CPED1: variants seen among roughly 807,000 people sequenced by gnomAD.
The protein encoded by CPED1 is cadherin like and PC-esterase domain containing 1, also known as cadherin-like and PC-esterase domain-containing protein 1.
CPED1 carries 114 observed loss-of-function variants against 128.2 expected under a neutral mutation model. The ratio of observed to expected loss-of-function variants is 0.89; its 90% CI spans 0.76 to 1.04. The LOEUF is 1.04. Among genes scored for constraint, CPED1 ranks in the 50% least tolerant of loss-of-function variants. The probability of loss-of-function intolerance (pLI) is 0.00; values close to 1 mark genes in which losing one functional copy is unlikely to be tolerated. For missense variants in CPED1, 1,211 were observed against 1,207.1 expected (o/e 1.00, Z -0.05); for synonymous variants, 462 against 426.7 (o/e 1.08, Z -1.02).
At chr7:121,158,425 T>C (rs963123178) in intron 16 of CPED1, among the ~76,000 whole-genome samples, 1 of 152,158 alleles carries the variant, frequency 6.6e-6, no homozygotes, top group African/African-American at 2.4e-5. Context: ...GATGAACAGC[T>C]TCTCACCCCC....
At chr7:121,061,519 G>C (rs1467408724) in intron 4 of CPED1, among the ~76,000 whole-genome samples, 2 of 152,196 alleles carry the variant, frequency 1.3e-5, no homozygotes, top group Non-Finnish European at 2.9e-5. Flanking sequence ...ACTCTGGTGG[G>C]GGATGTTAAT....
chr7:121,283,443 C>T (rs1792500274), intron 22 of CPED1, among the ~76,000 whole-genome samples: 1 of 152,198 alleles, frequency 6.6e-6, no homozygotes, highest in Non-Finnish European at 1.5e-5. Context: ...ACAAAATATA[C>T]TTGCCAGTTT....
At chr7:121,094,903 C>A (rs1794663638) in intron 5 of CPED1, among the ~76,000 whole-genome samples, 1 of 152,126 alleles carries the variant, frequency 6.6e-6, no homozygotes, top group Non-Finnish European at 1.5e-5. Flanking sequence ...GGCTTCAGGG[C>A]TCTCTAAAAT....
At chr7:121,227,540 G>A (rs1375926375) in intron 16 of CPED1, among the ~76,000 whole-genome samples, 1 of 152,052 alleles carries the variant, frequency 6.6e-6, no homozygotes, top group African/African-American at 2.4e-5. Flanking sequence ...AGAAAGTATT[G>A]ATTAATTCAC....
At position 121,249,637 on chromosome 7, in the gene CPED1, T is replaced by C. The variant is rs144958552; in HGVS notation, c.2310+5299T>C. Among the ~76,000 whole-genome samples the C allele has an allele frequency of 7.0e-3, 1,063 of 152,276 alleles. 13 individuals are homozygous for C. Among genetic ancestry groups the C allele is most frequent in the African/African-American group, 0.024 (989 of 41,550 alleles). On this transcript the variant is annotated intron_variant, in intron 18 of 22. Coordinates refer to ENST00000310396, the MANE Select transcript of CPED1 (RefSeq NM_024913.5). ...CAGATAAGCAAACACTGAGGGAATT[T>C]GTTTCAAATAGACCACCAGCATTAC... is the stretch of plus-strand genomic sequence containing the variant.
chr7:121,067,053 T>G (rs888573890), intron 5 of CPED1, among the ~76,000 whole-genome samples: 1 of 151,964 alleles, frequency 6.6e-6, no homozygotes, highest in Non-Finnish European at 1.5e-5. Flanking sequence ...TATCCATGGC[T>G]GGGGGGCACA....
At chr7:121,099,338 C>G (rs1235474588) in intron 6 of CPED1, among the ~76,000 whole-genome samples, 1 of 152,062 alleles carries the variant, frequency 6.6e-6, no homozygotes, top group Non-Finnish European at 1.5e-5. Context: ...ATTCTACATA[C>G]TACCTTTCCA....
intron 17 of CPED1, among the ~76,000 whole-genome samples, chr7:121,243,202 G>A (rs1433543517): frequency 6.6e-6 from 1 of 152,070 alleles, no homozygotes; most frequent in Admixed American, 6.6e-5. Context: ...AAGATATTTA[G>A]GGTAAGGAGA....
chr7:121,259,384 G>C (rs1791960133), intron 18 of CPED1, among the ~76,000 whole-genome samples: 2 of 152,010 alleles, frequency 1.3e-5, no homozygotes, highest in Admixed American at 6.6e-5. Context: ...CTGAACATTA[G>C]GTGAATATAG....
chr7:121,177,190 C>A (rs1796802374), intron 16 of CPED1, among the ~76,000 whole-genome samples: 3 of 151,950 alleles, frequency 2.0e-5, no homozygotes, highest in Admixed American at 2.0e-4. Context: ...GTGTGCTTTC[C>A]TTGTGAGAGA....
At chr7:121,231,853 G>A (rs912378873) in intron 16 of CPED1, among the ~76,000 whole-genome samples, 7 of 152,070 alleles carry the variant, frequency 4.6e-5, no homozygotes, top group Non-Finnish European at 8.8e-5. Flanking sequence ...TACAGATGGA[G>A]CATCCCTGGC....
Position 121,289,556 on chromosome 7 carries a change from T to G in CPED1, c.2869-5884T>G, listed in dbSNP as rs1273534263. On this transcript the variant is annotated intron_variant, in intron 22 of 22. Coordinates refer to ENST00000310396, the MANE Select transcript of CPED1 (RefSeq NM_024913.5). Reference sequence around the variant, plus strand: ...AAACTACTTCTCTTCCAAATAGATATCATGTGATTTTTTAAAAAATACTCA... The same window carrying G: ...AAACTACTTCTCTTCCAAATAGATAGCATGTGATTTTTTAAAAAATACTCA... Among the ~76,000 whole-genome samples, 3 of 152,234 alleles carry G rather than the reference T, an allele frequency of 2.0e-5. No homozygotes were observed. In the South Asian group the frequency reaches 6.2e-4, roughly 32 times the overall value.
At chr7:121,192,108 T>C (rs1797154159) in intron 16 of CPED1, among the ~76,000 whole-genome samples, 1 of 152,160 alleles carries the variant, frequency 6.6e-6, no homozygotes, top group African/African-American at 2.4e-5. Flanking sequence ...TATTTGAATC[T>C]GCAACTATTA....
At chr7:121,017,714 A>G (rs1585020252) in intron 3 of CPED1, among the ~76,000 whole-genome samples, 2 of 152,168 alleles carry the variant, frequency 1.3e-5, no homozygotes, top group African/African-American at 4.8e-5. Flanking sequence ...TCCAGCTGCA[A>G]AACAGATGGA....
Position 121,191,475 on chromosome 7 carries a change from A to G in CPED1, c.2056-45239A>G, listed in dbSNP as rs2116530347. 2.0e-5 allele frequency among the ~76,000 whole-genome samples: 3 copies of G among 152,244 alleles called. No homozygotes were observed. The South Asian group carries it at 6.2e-4, about 32-fold the overall frequency. On this transcript the variant is annotated intron_variant, in intron 16 of 22. Coordinates refer to ENST00000310396, the MANE Select transcript of CPED1 (RefSeq NM_024913.5). Reference sequence around the variant, plus strand: ...TGAATTGAAACTTGGGGTTCTTTCTATGGCTGTTGAAATAAGAATACAACA... The same window carrying G: ...TGAATTGAAACTTGGGGTTCTTTCTGTGGCTGTTGAAATAAGAATACAACA...
chr7:121,194,170 C>T (rs1333882908), intron 16 of CPED1, among the ~76,000 whole-genome samples: 2 of 150,834 alleles, frequency 1.3e-5, no homozygotes, highest in East Asian at 3.9e-4. Context: ...GCCTCAGCCT[C>T]CCAAGTAGCT....
At chr7:121,287,364 G>A (rs1345127320) in intron 22 of CPED1, among the ~76,000 whole-genome samples, 2 of 130,562 alleles carry the variant, frequency 1.5e-5, no homozygotes, top group Admixed American at 7.4e-5. Flanking sequence ...TGGCAATGAC[G>A]CCAAGGAAAC....
At chr7:121,027,928 A>G (rs921541552) in intron 3 of CPED1, among the ~76,000 whole-genome samples, 1 of 152,082 alleles carries the variant, frequency 6.6e-6, no homozygotes, top group African/African-American at 2.4e-5. Flanking sequence ...GTCACTAAAC[A>G]AGCGATTAAG....
rs1792020459 is a variant in CPED1 at position 121,261,655 on chromosome 7, T to C, written c.2311-4572T>C. 1.9e-6 allele frequency: 3 copies of C among 1,611,124 alleles called. No homozygotes were observed. In the East Asian group the frequency reaches 6.7e-5, roughly 36 times the overall value. The stretch of plus-strand genomic sequence containing the variant: ...AGTTGGGTGTCGATGTCCAGAGAGT[T>C]CCTAGAAGCCGTAATTGAAGACACA... On this transcript the variant is annotated intron_variant, in intron 18 of 22. Coordinates refer to ENST00000310396, the MANE Select transcript of CPED1 (RefSeq NM_024913.5).
Sources: gnomAD v4.1 joint callset for allele counts (sites outside exome capture counted in the v4.1 genomes callset) on GRCh38, gnomAD v4.1.1 for gene constraint, MANE v1.5 for transcripts, NCBI Gene and HGNC (gene_info 2026-07-23, HGNC 2026-07-21) for gene names.